NPAS2: variants seen among roughly 807,000 people sequenced by gnomAD.
NPAS2 encodes neuronal PAS domain-containing protein 2.
Under a neutral mutation model 107.5 loss-of-function variants are expected in NPAS2, and 23 were observed. The observed-to-expected ratio is 0.21, with a 90% CI of 0.15 to 0.30. The LOEUF (loss-of-function observed/expected upper bound fraction) is 0.30. Ranked by LOEUF, NPAS2 falls within the 10% of genes least tolerant of loss-of-function variation. The pLI, the probability that NPAS2 is intolerant of heterozygous loss-of-function variation, is 1.00. For missense variants in NPAS2, 756 were observed against 1,043.3 expected, an observed-to-expected ratio of 0.72 and a Z score of 3.79; for synonymous variants, 403 against 417.5, an observed-to-expected ratio of 0.97 and a Z score of 0.42.
At chr2:100,882,483 A>G (rs922677685) in intron 1 of NPAS2, among the ~76,000 whole-genome samples, 3 of 152,212 alleles carry the variant, frequency 2.0e-5, no homozygotes, top group African/African-American at 4.8e-5. Context: ...TAGGTGGTGC[A>G]TGCCTGTAGT....
rs59048263 is a variant in NPAS2, at chr2:100,954,877, G to GT, written c.598+5406dup. Among the ~76,000 whole-genome samples the GT allele has an allele frequency of 9.2e-3, 1,345 of 146,818 alleles. 15 individuals carry two copies. Among genetic ancestry groups the GT allele is most frequent in the African/African-American group, 0.021 (833 of 38,878 alleles). ...TTTTTTTGTTTTTTTTGTTTTTTTT[G>GT]TTTTTTTTTGGTTTTTTTGAGACGG... On this transcript the variant is annotated intron_variant, in intron 7 of 20. Transcript: ENST00000335681.
chr2:100,877,316 T>A (rs961853662), intron 1 of NPAS2, among the ~76,000 whole-genome samples: 4 of 151,876 alleles, frequency 2.6e-5, no homozygotes, highest in African/African-American at 9.7e-5. Context: ...TACAAAAAAA[T>A]TAGCCAGGCG....
intron 15 of NPAS2, among the ~76,000 whole-genome samples, chr2:100,981,672 A>G (rs1027623434): frequency 3.9e-5 from 6 of 152,208 alleles, no homozygotes; most frequent in African/African-American, 1.4e-4. Context: ...CGTGCATAGT[A>G]GCAAGTAAGG....
rs370501805 is a variant in NPAS2, at chr2:100,982,289, G to A, written c.1541G>A (p.Arg514Gln). The A allele has an allele frequency of 4.5e-5, 72 of 1,614,040 alleles. No homozygotes were observed. The highest frequency in any genetic ancestry group is 1.6e-4 in the Middle Eastern group (1 of 6,084). Residue 514 changes from arginine (R) to glutamine (Q), a missense_variant, in exon 16 of 21, where the codon CGG (arginine) becomes CAG (glutamine). This residue lies in a region of NPAS2 where 496 missense variants were observed against 594.4 expected (regional missense o/e 0.83). Coordinates refer to ENST00000335681, the MANE Select transcript of NPAS2 (RefSeq NM_002518.4). The stretch of plus-strand genomic sequence containing the variant: ...AAAGACCAGCTAGAGCAGCGGACGC[G>A]GATCCTGCAGGCCAATATCCGGTGG... ...TIKDQLEQRT[R>Q]ILQANIRWQQ...
At chr2:100,944,162 G>A (rs1674748360) in intron 5 of NPAS2, among the ~76,000 whole-genome samples, 3 of 152,268 alleles carry the variant, frequency 2.0e-5, no homozygotes, top group African/African-American at 4.8e-5. Context: ...CCTTTAGGGA[G>A]ACCAAGGCCC....
At chr2:100,962,548 G>A (rs1314914106) in intron 7 of NPAS2, among the ~76,000 whole-genome samples, 3 of 152,206 alleles carry the variant, frequency 2.0e-5, no homozygotes, top group South Asian at 2.1e-4. Context: ...GAGAAGGCCA[G>A]TGCCTGGGCT....
chr2:100,879,818 C>G (rs750881548), intron 1 of NPAS2, among the ~76,000 whole-genome samples: 121 of 152,312 alleles, frequency 7.9e-4, no homozygotes, highest in Middle Eastern at 3.4e-3. Context: ...CAAGATGTGT[C>G]CTAGCAGCCA....
intron 7 of NPAS2, among the ~76,000 whole-genome samples, chr2:100,963,568 T>G (rs1392117462): frequency 6.6e-6 from 1 of 151,964 alleles, no homozygotes; most frequent in Non-Finnish European, 1.5e-5. Context: ...CCAGCTAATT[T>G]TTGTTTTTGT....
intron 1 of NPAS2, among the ~76,000 whole-genome samples, chr2:100,827,624 T>C (rs182641729): frequency 1.3e-5 from 2 of 152,272 alleles, no homozygotes; most frequent in East Asian, 3.9e-4. Flanking sequence ...CACTTATAAG[T>C]GAGAACATGC....
chr2:100,934,171 T>C (rs1684159777), intron 4 of NPAS2: 1 of 152,256 alleles, frequency 6.6e-6, no homozygotes, highest in Admixed American at 6.5e-5. Context: ...GTATGTTAAA[T>C]TTAAAGCAGC....
chr2:100,846,187 T>G (rs1162551200), intron 1 of NPAS2, among the ~76,000 whole-genome samples: 1 of 152,200 alleles, frequency 6.6e-6, no homozygotes, highest in Non-Finnish European at 1.5e-5. Flanking sequence ...GTGTGTTTTC[T>G]CCAACATTTA....
chr2:100,864,460 T>C (rs373186932), intron 1 of NPAS2, among the ~76,000 whole-genome samples: 2 of 152,168 alleles, frequency 1.3e-5, no homozygotes, highest in Non-Finnish European at 2.9e-5. Flanking sequence ...TAAGTTTCCA[T>C]ACGATTAGCC....
chr2:100,995,431 A>G lies in NPAS2; in HGVS notation c.2324A>G (p.Gln775Arg). The G allele has an allele frequency of 6.2e-7, 1 of 1,613,946 alleles. No individual in the cohort carries two copies. Among genetic ancestry groups the G allele is most frequent in the Non-Finnish European group, 8.5e-7 (1 of 1,179,942 alleles). The change falls in exon 21 of 21, where the codon CAG (glutamine) becomes CGG (arginine). Residue 775 changes from glutamine to arginine, a missense_variant. Gln to Arg is a conservative substitution (Grantham distance 43). This residue lies in a region of NPAS2 where 496 missense variants were observed against 594.4 expected (regional missense o/e 0.83). Coordinates refer to ENST00000335681, the MANE Select transcript of NPAS2 (RefSeq NM_002518.4). ...VQAPTSLHSE[Q>R]QDSLLLSTYS... The stretch of plus-strand genomic sequence containing the variant: ...GCACCAACCTCTTTGCACAGTGAGC[A>G]GCAGGACTCGCTACTTCTCTCCACC...
At chr2:100,989,530 A>G in intron 17 of NPAS2, 1 of 152,356 alleles carries the variant, frequency 6.6e-6, no homozygotes, top group East Asian at 1.9e-4. Flanking sequence ...TTTTGTAAAA[A>G]CTAAGAATGA....
At position 100,976,299 on chromosome 2, in the gene NPAS2, G is replaced by A. The variant is rs771603530; in HGVS notation, c.1392+732G>A. On this transcript the variant is annotated intron_variant, in intron 14 of 20. Coordinates refer to ENST00000335681, the MANE Select transcript of NPAS2 (RefSeq NM_002518.4). The surrounding 1 kb of genome is among the most constrained non-coding windows in gnomAD (Gnocchi z 4.1). ...GGGCTGGGCTCAGCTGAGGCCATCC[G>A]TCATTGACTTGCATGGGCCTCTCAA... 2.0e-5 allele frequency among the ~76,000 whole-genome samples: 3 copies of A among 152,084 alleles called. No homozygotes were observed. Among genetic ancestry groups the A allele is most frequent in the Non-Finnish European group, 2.9e-5 (2 of 68,018 alleles).
At chr2:100,883,717 C>G (rs145064802) in intron 1 of NPAS2, among the ~76,000 whole-genome samples, 1 of 152,106 alleles carries the variant, frequency 6.6e-6, no homozygotes, top group African/African-American at 2.4e-5. Context: ...GCTAAACAGC[C>G]ATCTTCAGGT....
At chr2:100,880,806 C>A (rs796333577) in intron 1 of NPAS2, among the ~76,000 whole-genome samples, 2 of 152,242 alleles carry the variant, frequency 1.3e-5, no homozygotes, top group African/African-American at 4.8e-5. Context: ...TTCTGTGTGA[C>A]CCCTGGACAT....
At chr2:100,995,329 A>G in intron 20 of NPAS2, 71 bp from the exon 21 acceptor site, 1 of 1,398,586 alleles carries the variant, frequency 7.2e-7, no homozygotes. Flanking sequence ...CATGCCCCGC[A>G]CTGCCTTGTA....
At chr2:100,832,306 C>A (rs1676791740) in intron 1 of NPAS2, among the ~76,000 whole-genome samples, 1 of 152,172 alleles carries the variant, frequency 6.6e-6, no homozygotes, top group Non-Finnish European at 1.5e-5. Context: ...CCACCCTGGG[C>A]AGGTCATTCA....
Sources: allele counts gnomAD v4.1 joint callset (sites outside exome capture counted in the v4.1 genomes callset), GRCh38; gene constraint gnomAD v4.1.1; regional missense constraint gnomAD v4.1.1; non-coding constraint Gnocchi (gnomAD v3.1); transcripts MANE v1.5; gene names NCBI Gene and HGNC (gene_info 2026-07-23, HGNC 2026-07-21).